Variants in PNPLA7 observed in about 807,000 individuals in gnomAD.
PNPLA7 encodes patatin like domain 7, lysophospholipase.
A neutral mutation model predicts 161.7 loss-of-function variants in PNPLA7; 153 were observed. The ratio of observed to expected loss-of-function variants is 0.95; its 90% CI spans 0.83 to 1.08. The LOEUF (loss-of-function observed/expected upper bound fraction) is 1.08. PNPLA7 is among the 50% of genes least tolerant of loss of function. The pLI is 0.00. For synonymous variants in PNPLA7, 809 were observed against 782.1 expected, an observed-to-expected ratio of 1.03 and a Z score of -0.57; for missense variants, 1,739 against 1,856.6, an observed-to-expected ratio of 0.94 and a Z score of 1.16.
intron 11 of PNPLA7, among the ~76,000 whole-genome samples, chr9:137,518,487 CTCACTCCACTCTGTCCACTCCATCCCCCG>C (rs1834773102): frequency 1.6e-5 from 1 of 62,930 alleles, no homozygotes; most frequent in Admixed American, 1.7e-4. Context: ...CCATCCCCCA[CTCACTCCACTCTGTCCACTCCATCCCCCG>C]TCACTCACTC....
At chr9:137,480,170 C>G in intron 23 of PNPLA7, 142 bp downstream of exon 23, 2 of 1,248,520 alleles carry the variant, frequency 1.6e-6, no homozygotes, top group Non-Finnish European at 2.2e-6. Context: ...GTTTTTAAAA[C>G]ATGGGTAGCA....
At chr9:137,492,521 C>A (rs1832817864) in intron 20 of PNPLA7, among the ~76,000 whole-genome samples, 1 of 102,104 alleles carries the variant, frequency 9.8e-6, no homozygotes, top group African/African-American at 4.0e-5. Flanking sequence ...GTGGGTGGGG[C>A]TCCAGCACAG....
Position 137,500,875 on chromosome 9 carries a change from C to A in PNPLA7, c.1573G>T (p.Val525Phe), listed in dbSNP as rs373904139. 1.9e-6 allele frequency: 3 copies of A among 1,580,528 alleles called. No individual in the cohort carries two copies. Among genetic ancestry groups the A allele is most frequent in the Non-Finnish European group, 2.6e-6 (3 of 1,166,564 alleles). Residue 525 changes from valine (V) to phenylalanine (F), a missense_variant, in exon 16 of 35, where the codon GTC becomes TTC. By Grantham distance (50) the Val-to-Phe change is conservative. This residue lies in a region of PNPLA7 where 481 missense variants were observed against 450.0 expected (regional missense o/e 1.07). Transcript: ENST00000406427. This position sits in a 1 kb window ranked among gnomAD's most constrained non-coding sequence, Gnocchi z 5.5. Reference sequence around the variant, plus strand: ...TGGTACACGTGCAGCAGCCCCGAGACCACGAACAGGATGCTGGCGTCCTGA... The same window carrying A: ...TGGTACACGTGCAGCAGCCCCGAGAACACGAACAGGATGCTGGCGTCCTGA... Reference protein sequence around the residue: ...GDQDASILFVVSGLLHVYQRK... With the variant: ...GDQDASILFVFSGLLHVYQRK...
chr9:137,465,669 G>A (rs1317974980), intron 26 of PNPLA7, among the ~76,000 whole-genome samples: 4 of 152,172 alleles, frequency 2.6e-5, no homozygotes, highest in South Asian at 2.1e-4. Context: ...CTTGGGACTC[G>A]CTGCTGGGGC....
intron 26 of PNPLA7, among the ~76,000 whole-genome samples, chr9:137,465,150 G>T (rs950611750): frequency 2.6e-5 from 4 of 152,178 alleles, no homozygotes; most frequent in African/African-American, 9.7e-5. Context: ...TGGGCTGGAC[G>T]TGCTTACACC....
At position 137,495,114 on chromosome 9, in the gene PNPLA7, G is replaced by C; in HGVS notation, c.2046C>G (p.Thr682=). 1.2e-6 allele frequency: 2 copies of C among 1,606,686 alleles called. No individual in the cohort carries two copies. Among genetic ancestry groups the C allele is most frequent in the South Asian group, 1.1e-5 (1 of 91,012 alleles). The stretch of plus-strand genomic sequence containing the variant: ...CTGAGTCCCGAACGGCATGCACCGT[G>C]GTCGCCCGGGCCTGGTGGGTCAGTG... ...VETLTHQARA[T]TVHAVRDSEL... is the part of the protein sequence containing the mutation. The change falls in exon 19 of 35, where the codon ACC becomes ACG. Residue 682 remains threonine, a synonymous_variant. Coordinates refer to ENST00000406427, the MANE Select transcript of PNPLA7 (RefSeq NM_001098537.3).
At chr9:137,491,165 G>T (rs534084853) in intron 20 of PNPLA7, among the ~76,000 whole-genome samples, 2 of 152,274 alleles carry the variant, frequency 1.3e-5, no homozygotes, top group East Asian at 1.9e-4. Context: ...AGGCTGAGGG[G>T]GGGGGAATCA....
chr9:137,473,866 A>C (rs1336645492), intron 25 of PNPLA7, among the ~76,000 whole-genome samples: 7 of 152,216 alleles, frequency 4.6e-5, no homozygotes, highest in African/African-American at 1.7e-4. Flanking sequence ...GTAAAACAAT[A>C]CAACTGCCCC....
In PNPLA7 at chr9:137,478,090, C is replaced by T; in HGVS notation, c.2826G>A (p.Leu942=). ...TGGCGTTGCCCGTCAGCACCCTCGCCAGGCGGGAGAAGTCTGAGTGTCGGT... is the reference window on the plus strand; with the variant it reads ...TGGCGTTGCCCGTCAGCACCCTCGCTAGGCGGGAGAAGTCTGAGTGTCGGT... ...PPDRHSDFSR[L]ARVLTGNAIA... Residue 942 remains leucine (L), a synonymous_variant, in exon 25 of 35, where the codon CTG becomes CTA. Transcript: ENST00000406427. 1 of 1,387,774 alleles carries T rather than the reference C, an allele frequency of 7.2e-7. No homozygotes were observed. The highest frequency in any genetic ancestry group is 1.9e-4 in the Middle Eastern group (1 of 5,318). 86.0% of individuals were successfully genotyped at this position (1,387,774 alleles called of 1,614,324 possible).
At chr9:137,487,897 C>G (rs543375401) in intron 20 of PNPLA7, among the ~76,000 whole-genome samples, 1 of 152,358 alleles carries the variant, frequency 6.6e-6, no homozygotes, top group East Asian at 1.9e-4. Flanking sequence ...TCACCTTCAC[C>G]GCACGCACTT....
In PNPLA7 at chr9:137,501,206, T is replaced by C. The variant is rs111667005; in HGVS notation, c.1552-310A>G. On this transcript the variant is annotated intron_variant, in intron 15 of 34. Transcript: ENST00000406427. The stretch of plus-strand genomic sequence containing the variant: ...CAAATGCGCGTCAGCCCAGCATTCC[T>C]GTGCACGGGGGGTCCCATGCCGCCT... Among the ~76,000 whole-genome samples the C allele has an allele frequency of 1.0e-3, 159 of 152,314 alleles. 1 individual carries two copies. Among genetic ancestry groups the C allele is most frequent in the Middle Eastern group, 0.01 (3 of 294 alleles).
At chr9:137,489,718 A>G (rs578013882) in intron 20 of PNPLA7, among the ~76,000 whole-genome samples, 1 of 152,142 alleles carries the variant, frequency 6.6e-6, no homozygotes, top group Admixed American at 6.5e-5. Flanking sequence ...CATTTTTTTA[A>G]AACTCTCTGA....
rs538802140 is a variant in PNPLA7, at chr9:137,547,113, AGAG to A, written c.193+193_193+195del. Among the ~76,000 whole-genome samples, 297 of 152,286 alleles carry A rather than the reference AGAG, an allele frequency of 2.0e-3. No individual in the cohort carries two copies. The highest frequency in any genetic ancestry group is 3.4e-3 in the Non-Finnish European group (229 of 68,018). The stretch of plus-strand genomic sequence containing the variant: ...TCTTCCCACTGAAGCCTTGCTCAGG[AGAG>A]GAGAACAGAAAGGGCTCTGAACAGA... On this transcript the variant is annotated intron_variant, in intron 3 of 34. Transcript: ENST00000406427. This position sits in a 1 kb window ranked among gnomAD's most constrained non-coding sequence, Gnocchi z 4.6.
intron 20 of PNPLA7, among the ~76,000 whole-genome samples, chr9:137,487,176 C>T (rs879833524): frequency 4.6e-5 from 7 of 152,262 alleles, no homozygotes; most frequent in Non-Finnish European, 1.0e-4. Flanking sequence ...CACCGGCTGC[C>T]AAGGGCTCAG....
chr9:137,517,373 T>G (rs796809206), intron 11 of PNPLA7, among the ~76,000 whole-genome samples: 1 of 17,352 alleles, frequency 5.8e-5, no homozygotes, highest in Admixed American at 6.5e-4. Context: ...CCACTCCATC[T>G]CCCACTCACT....
At chr9:137,480,522 C>G (rs745384848) in intron 22 of PNPLA7, 42 bp from the exon 23 acceptor site, 3 of 1,568,934 alleles carry the variant, frequency 1.9e-6, no homozygotes, top group Non-Finnish European at 2.6e-6. Context: ...CCGCAGGGGC[C>G]TGGCACTCTT....
At position 137,540,938 on chromosome 9, in the gene PNPLA7, G is replaced by A. The variant is rs559503093; in HGVS notation, c.667-216C>T. On this transcript the variant is annotated intron_variant, in intron 7 of 34. Coordinates refer to ENST00000406427, the MANE Select transcript of PNPLA7 (RefSeq NM_001098537.3). The surrounding 1 kb of genome is among the most constrained non-coding windows in gnomAD (Gnocchi z 5.1). ...GGAAGCGGCAGCAAGGAAAACAGAC[G>A]GAGGAGACCCCACCTCTCCATCCCA... is the stretch of plus-strand genomic sequence containing the variant. 3.8e-5 allele frequency: 20 copies of A among 525,260 alleles called. No individual in the cohort carries two copies. The highest frequency in any genetic ancestry group is 6.7e-5 in the East Asian group (2 of 29,680). The allele number at this position is 525,260 out of a possible 1,614,324, so 32.5% of individuals were successfully genotyped here. A position where few individuals can be genotyped will look rare whatever the true frequency, so the allele number is the denominator to read the frequency against.
At chr9:137,544,146 G>A (rs892402352) in intron 4 of PNPLA7, among the ~76,000 whole-genome samples, 20 of 152,170 alleles carry the variant, frequency 1.3e-4, no homozygotes, top group Non-Finnish European at 7.3e-5. Context: ...ACAACCCTTT[G>A]CTACAACCCT....
intron 8 of PNPLA7, among the ~76,000 whole-genome samples, chr9:137,536,706 G>A (rs186211752): frequency 2.6e-4 from 40 of 152,336 alleles, no homozygotes; most frequent in Non-Finnish European, 2.8e-4. Context: ...GCCCATGAGC[G>A]GTGCAGATGG....
Sources: gnomAD v4.1 joint callset for allele counts (sites outside exome capture counted in the v4.1 genomes callset) on GRCh38, gnomAD v4.1.1 for gene constraint, gnomAD v4.1.1 regional missense constraint, Gnocchi (gnomAD v3.1) non-coding constraint, MANE v1.5 for transcripts, NCBI Gene and HGNC (gene_info 2026-07-23, HGNC 2026-07-21) for gene names.